CCDC146: variants seen among roughly 807,000 people sequenced by gnomAD.
CCDC146 encodes the protein coiled-coil domain containing 146.
CCDC146 carries 92 observed loss-of-function variants against 119.3 expected under a neutral mutation model. The ratio of observed to expected loss-of-function variants is 0.77; its 90% CI spans 0.65 to 0.92. The LOEUF (loss-of-function observed/expected upper bound fraction) is 0.92, where lower values mean the gene tolerates loss of function less well. CCDC146 is among the 40% of genes least tolerant of loss of function. CCDC146 has a pLI of 0.00. For synonymous variants in CCDC146, 372 were observed against 371.8 expected (o/e 1.00, Z -0.01); for missense variants, 1,000 against 1,103.0 (o/e 0.91, Z 1.32).
intron 1 of CCDC146, among the ~76,000 whole-genome samples, chr7:77,136,235 G>C (rs542590359): frequency 6.6e-6 from 1 of 152,100 alleles, no homozygotes. Flanking sequence ...AGAAAAAGAA[G>C]AGCAAGTTAA....
chr7:77,289,751 G>A (rs7778518), intron 17 of CCDC146, among the ~76,000 whole-genome samples: 23,494 of 152,158 alleles, frequency 0.15, 3,051 homozygotes, highest in African/African-American at 0.35. Flanking sequence ...AGCAGAAAGT[G>A]GGAAATCTCA....
intron 11 of CCDC146, among the ~76,000 whole-genome samples, chr7:77,277,976 C>G (rs958484585): frequency 5.3e-5 from 8 of 152,160 alleles, no homozygotes; most frequent in African/African-American, 1.9e-4. Flanking sequence ...AGAAATATAA[C>G]TGCTTTCTTT....
intron 2 of CCDC146, among the ~76,000 whole-genome samples, chr7:77,197,629 G>A (rs1417546545): frequency 6.6e-6 from 1 of 152,186 alleles, no homozygotes; most frequent in African/African-American, 2.4e-5. Flanking sequence ...ACTGTCAGAA[G>A]GTTTTATAGC....
chr7:77,204,226 C>G (rs1584070366), intron 2 of CCDC146, among the ~76,000 whole-genome samples: 1 of 152,084 alleles, frequency 6.6e-6, no homozygotes, highest in Non-Finnish European at 1.5e-5. Context: ...TTAAAACATT[C>G]ACTTTTTAAA....
intron 2 of CCDC146, among the ~76,000 whole-genome samples, chr7:77,170,415 T>G (rs1310276992): frequency 6.6e-6 from 1 of 152,192 alleles, no homozygotes; most frequent in Non-Finnish European, 1.5e-5. Flanking sequence ...ATCTTTGTTA[T>G]TAATAGTGTG....
chr7:77,175,234 T>G (rs902362598), intron 2 of CCDC146, among the ~76,000 whole-genome samples: 2 of 150,850 alleles, frequency 1.3e-5, no homozygotes, highest in African/African-American at 4.9e-5. Context: ...CTAAGCGAAA[T>G]AATTGGCTCT....
intron 2 of CCDC146, among the ~76,000 whole-genome samples, chr7:77,189,743 A>G (rs1791730358): frequency 6.6e-6 from 1 of 151,436 alleles, no homozygotes; most frequent in Non-Finnish European, 1.5e-5. Flanking sequence ...CATGCTATCC[A>G]CTCTTCCAGG....
In CCDC146 at chr7:77,196,800, T is replaced by C. The variant is rs756977540; in HGVS notation, c.156+28976T>C. ...AAGCCTGCTTTGTAGTCTTGCCATGTTCTGGTGAAGTTGGTGCTCCCATCG... is the reference window on the plus strand; with the variant it reads ...AAGCCTGCTTTGTAGTCTTGCCATGCTCTGGTGAAGTTGGTGCTCCCATCG... On this transcript the variant is annotated intron_variant, in intron 2 of 18. Transcript: ENST00000285871. This position sits in a 1 kb window ranked among gnomAD's most constrained non-coding sequence, Gnocchi z 4.2. 1 of 1,614,176 alleles carries C rather than the reference T, an allele frequency of 6.2e-7. No homozygotes were observed. The highest frequency in any genetic ancestry group is 8.5e-7 in the Non-Finnish European group (1 of 1,180,022).
intron 2 of CCDC146, among the ~76,000 whole-genome samples, chr7:77,191,510 G>T (rs1200980292): frequency 6.6e-6 from 1 of 152,090 alleles, no homozygotes; most frequent in Non-Finnish European, 1.5e-5. Flanking sequence ...ATAGAACTTA[G>T]ACAATATTGA....
At chr7:77,266,512 G>A (rs1211999943) in intron 9 of CCDC146, among the ~76,000 whole-genome samples, 1 of 152,114 alleles carries the variant, frequency 6.6e-6, no homozygotes, top group Non-Finnish European at 1.5e-5. Context: ...AAAGTGTGTG[G>A]TACCGAGAAG....
Position 77,277,605 on chromosome 7 carries a change from A to G in CCDC146, c.1441-1147A>G, listed in dbSNP as rs1793673743. On this transcript the variant is annotated intron_variant, in intron 11 of 18. Coordinates refer to ENST00000285871, the MANE Select transcript of CCDC146 (RefSeq NM_020879.3). ...AGACAAAGGTGAAGAAAAAAAAACA[A>G]TGTCACTATCACCCCTAAGACAGAA... Among the ~76,000 whole-genome samples the G allele has an allele frequency of 2.6e-5, 4 of 152,310 alleles. No individual in the cohort carries two copies. The South Asian group carries it at 8.3e-4, about 32-fold the overall frequency.
intron 1 of CCDC146, among the ~76,000 whole-genome samples, chr7:77,154,095 A>C (rs1458500548): frequency 6.6e-6 from 1 of 151,884 alleles, no homozygotes; most frequent in Non-Finnish European, 1.5e-5. Context: ...ATCCTGGAAA[A>C]GGCAAAATTA....
At position 77,286,800 on chromosome 7, in the gene CCDC146, T is replaced by G; in HGVS notation, c.2151T>G (p.Phe717Leu). 6.2e-7 allele frequency: 1 copy of G among 1,613,162 alleles called. No homozygotes were observed. The change falls in exon 16 of 19, where the codon TTT (phenylalanine) becomes TTG (leucine). Residue 717 changes from phenylalanine (F) to leucine (L), a missense_variant and splice_region_variant. Physicochemically the swap from Phe to Leu is conservative, Grantham distance 22. Transcript: ENST00000285871. ...AGTTAATGTTTTTTTCTTAATAGTT[T>G]TCACAGTGTACAGACAGAATTAAAG... ...DADLAVLQIQ[F>L]SQCTDRIKDL... is the part of the protein sequence containing the mutation.
chr7:77,173,809 A>C (rs958175685), intron 2 of CCDC146, among the ~76,000 whole-genome samples: 7 of 151,990 alleles, frequency 4.6e-5, no homozygotes, highest in African/African-American at 1.7e-4. Flanking sequence ...TTTTCTTTAT[A>C]TTGTTAATTT....
chr7:77,209,227 A>C (rs1792137168), intron 2 of CCDC146, among the ~76,000 whole-genome samples: 1 of 152,256 alleles, frequency 6.6e-6, no homozygotes, highest in Non-Finnish European at 1.5e-5. Flanking sequence ...ACATGGGAGC[A>C]CAGGCGTTGA....
At chr7:77,269,606 G>A (rs548443331) in intron 9 of CCDC146, among the ~76,000 whole-genome samples, 101 of 152,270 alleles carry the variant, frequency 6.6e-4, no homozygotes, top group African/African-American at 2.3e-3. Flanking sequence ...AGTGGAATGC[G>A]CACAAGTTGT....
At chr7:77,198,147 G>T in intron 2 of CCDC146, 1 of 985,428 alleles carries the variant, frequency 1.0e-6, no homozygotes, top group Non-Finnish European at 1.2e-6. Context: ...TGGATTCGCA[G>T]TGTGCCAGGT....
intron 1 of CCDC146, among the ~76,000 whole-genome samples, chr7:77,135,861 T>C (rs1467956749): frequency 1.3e-5 from 2 of 152,130 alleles, no homozygotes; most frequent in Non-Finnish European, 2.9e-5. Flanking sequence ...AAAGCAGAAG[T>C]AGCTATATTA....
At chr7:77,153,268 A>G (rs562963684) in intron 1 of CCDC146, among the ~76,000 whole-genome samples, 2 of 152,324 alleles carry the variant, frequency 1.3e-5, no homozygotes, top group East Asian at 3.9e-4. Flanking sequence ...AGTTCCTACT[A>G]TCCAGGGTGT....
Sources: gnomAD v4.1 joint callset for allele counts (sites outside exome capture counted in the v4.1 genomes callset) on GRCh38, gnomAD v4.1.1 for gene constraint, Gnocchi (gnomAD v3.1) non-coding constraint, MANE v1.5 for transcripts, NCBI Gene and HGNC (gene_info 2026-07-23, HGNC 2026-07-21) for gene names.